Variants in TMEM150C observed in about 807,000 individuals in gnomAD.
The protein encoded by TMEM150C is tentonin 3.
A neutral mutation model predicts 29.9 loss-of-function variants in TMEM150C; 10 were observed. The ratio of observed to expected loss-of-function variants is 0.33; its 90% CI spans 0.21 to 0.57. The LOEUF (loss-of-function observed/expected upper bound fraction) is 0.57. Among genes scored for constraint, TMEM150C ranks in the 20% least tolerant of loss-of-function variants. The pLI is 0.88. For synonymous variants in TMEM150C, 101 were observed against 112.5 expected (o/e 0.90, Z 0.64); for missense variants, 251 against 303.6 (o/e 0.83, Z 1.29).
intron 3 of TMEM150C, 42 bp from the exon 4 acceptor site, chr4:82,502,969 C>T (rs1452880129): frequency 1.3e-6 from 2 of 1,592,676 alleles, no homozygotes; most frequent in Non-Finnish European, 1.7e-6. Flanking sequence ...CAGGTTAAAG[C>T]ACTGTCATTT....
chr4:82,502,771 G>A lies in TMEM150C; in HGVS notation c.191C>T (p.Ala64Val), dbSNP rs369970649. 3 of 1,608,454 alleles carry A rather than the reference G, an allele frequency of 1.9e-6. No individual in the cohort carries two copies. In the African/African-American group the frequency reaches 4.0e-5, roughly 21 times the overall value. Residue 64 changes from alanine to valine, a missense_variant, in exon 5 of 8, where the codon GCA (alanine) becomes GTA (valine). Ala to Val is a moderately conservative substitution (Grantham distance 64). Coordinates refer to ENST00000449862, the MANE Select transcript of TMEM150C (RefSeq NM_001080506.3). ...YISIAGDDPP[A>V]SCVFSQVMNM... ...CATAACTTGACTAAACACACAGCTT[G>A]CAGGAGGATCATCACCTGCAATGCT...
At chr4:82,530,286 G>A (rs1282902412) in intron 1 of TMEM150C, among the ~76,000 whole-genome samples, 13 of 152,010 alleles carry the variant, frequency 8.6e-5, no homozygotes, top group African/African-American at 2.7e-4. Flanking sequence ...GGCCAGGCAC[G>A]GTGGCTCAAG....
In TMEM150C at chr4:82,507,474, TG is replaced by T. The variant is rs535234083; in HGVS notation, c.-10-2808del. On this transcript the variant is annotated intron_variant, in intron 1 of 7. Coordinates refer to ENST00000449862, the MANE Select transcript of TMEM150C (RefSeq NM_001080506.3). ...GTACTGGGATGTCCCATTTAGCCAC[TG>T]ATTCTCATTTACCTGCGCTTGTCAG... Among the ~76,000 whole-genome samples, 69 of 152,314 alleles carry T rather than the reference TG, an allele frequency of 4.5e-4. 1 individual carries two copies. In the South Asian group the frequency reaches 6.4e-3, roughly 14 times the overall value.
rs764737816 is a variant in TMEM150C at position 82,490,148 on chromosome 4, G to A, written c.454C>T (p.Leu152Phe). Reference protein sequence around the residue: ...LTCWIQAALTLKVNIKNEGRR... With the variant: ...LTCWIQAALTFKVNIKNEGRR... Reference sequence around the variant, plus strand: ...CCTTCATTCTTGATGTTGACCTTGAGTGTCAGCGCAGCCTGGATCCAGCAG... The same window carrying A: ...CCTTCATTCTTGATGTTGACCTTGAATGTCAGCGCAGCCTGGATCCAGCAG... Residue 152 changes from leucine to phenylalanine, a missense_variant, in exon 7 of 8, where the codon CTC (leucine) becomes TTC (phenylalanine). Transcript: ENST00000449862. 7.4e-6 allele frequency: 12 copies of A among 1,614,016 alleles called. No individual in the cohort carries two copies. The highest frequency in any genetic ancestry group is 1.0e-5 in the Non-Finnish European group (12 of 1,179,876).
chr4:82,511,176 A>T (rs1262335531), intron 1 of TMEM150C, among the ~76,000 whole-genome samples: 4 of 152,214 alleles, frequency 2.6e-5, no homozygotes, highest in Non-Finnish European at 1.5e-5. Context: ...CCGCAGATAT[A>T]AACAATATTA....
At chr4:82,491,221 C>T in intron 6 of TMEM150C, 1 of 686,796 alleles carries the variant, frequency 1.5e-6, no homozygotes. Context: ...ACTCGAAGGG[C>T]AGGTGGTCTC....
intron 1 of TMEM150C, among the ~76,000 whole-genome samples, chr4:82,506,420 T>C (rs1723922697): frequency 6.6e-6 from 1 of 152,308 alleles, no homozygotes. Context: ...GTTAAATAAA[T>C]TACAGAATCT....
chr4:82,488,546 T>C (rs1467555081), intron 7 of TMEM150C, among the ~76,000 whole-genome samples: 1 of 152,232 alleles, frequency 6.6e-6, no homozygotes, highest in African/African-American at 2.4e-5. Flanking sequence ...TTTAGGAACC[T>C]TGATTCCTTT....
chr4:82,540,114 C>CTTTTTTTTTTTTTTTTTTTTTTTTTT lies in TMEM150C; in HGVS notation c.-11+21766_-11+21791dup, dbSNP rs577728662. Among the ~76,000 whole-genome samples the CTTTTTTTTTTTTTTTTTTTTTTTTTT allele has an allele frequency of 4.2e-5, 2 of 47,254 alleles. 1 individual carries two copies. The highest frequency in any genetic ancestry group is 1.0e-4 in the Non-Finnish European group (2 of 19,294). 31.0% of individuals were successfully genotyped at this position (47,254 alleles called of 152,430 possible). A position where few individuals can be genotyped will look rare whatever the true frequency, so the allele number is the denominator to read the frequency against. On this transcript the variant is annotated intron_variant, in intron 1 of 7. Transcript: ENST00000449862. ...TAGTCATTCAATGTTTCTACCTATT[C>CTTTTTTTTTTTTTTTTTTTTTTTTTT]TTTTTTTTTTTTTTTTTTTTTTTTT...
At chr4:82,494,802 TTGTGAGTCTGATCTTA>T in intron 6 of TMEM150C, 1 of 304,752 alleles carries the variant, frequency 3.3e-6, no homozygotes, top group Non-Finnish European at 6.4e-6. Context: ...TTTTTTTTTT[TTGTGAGTCTGATCTTA>T]TTTGTTACTC....
intron 1 of TMEM150C, among the ~76,000 whole-genome samples, chr4:82,518,463 A>G (rs138997601): frequency 9.6e-4 from 146 of 152,282 alleles, no homozygotes; most frequent in African/African-American, 3.4e-3. Flanking sequence ...GGCTACCTCT[A>G]TAGGACAGTC....
intron 1 of TMEM150C, among the ~76,000 whole-genome samples, chr4:82,529,188 G>A (rs940701023): frequency 2.0e-5 from 3 of 152,086 alleles, no homozygotes; most frequent in Admixed American, 6.5e-5. Context: ...GAAGGGGAAT[G>A]GGAACGATCA....
At position 82,483,269 on chromosome 4, in the gene TMEM150C, T is replaced by G. The variant is rs1723052441; in HGVS notation, c.*2242A>C. Reference sequence around the variant, plus strand: ...CTAAAATGTGGTATTAGATATATTCTTAAGAAAGTGTACAATTGCATCACC... The same window carrying G: ...CTAAAATGTGGTATTAGATATATTCGTAAGAAAGTGTACAATTGCATCACC... On this transcript the variant is annotated 3_prime_UTR_variant, in exon 8 of 8. Coordinates refer to ENST00000449862, the MANE Select transcript of TMEM150C (RefSeq NM_001080506.3). 1 of 152,222 alleles carries G rather than the reference T, an allele frequency of 6.6e-6. No individual in the cohort carries two copies. The highest frequency in any genetic ancestry group is 1.5e-5 in the Non-Finnish European group (1 of 68,042). The allele number at this position is 152,222 out of a possible 1,614,324, so 9.4% of individuals were successfully genotyped here.
chr4:82,494,875 G>A (rs1723488232), intron 6 of TMEM150C: 7 of 501,768 alleles, frequency 1.4e-5, no homozygotes, highest in Non-Finnish European at 1.2e-5. Flanking sequence ...GCAGAAGCTC[G>A]CAGAGAGGAA....
At chr4:82,559,373 C>T (rs867838740) in intron 1 of TMEM150C, among the ~76,000 whole-genome samples, 3 of 149,864 alleles carry the variant, frequency 2.0e-5, no homozygotes, top group Middle Eastern at 3.4e-3. Context: ...GGTAAAACCC[C>T]GTCTCTACTA....
rs75132523 is a variant in TMEM150C, at chr4:82,523,449, G to A, written c.-10-18782C>T. The stretch of plus-strand genomic sequence containing the variant: ...TGCATTGCCATGATGTTCTACACAC[G>A]TGGGGATATGTGGGGGTGGCCATGT... On this transcript the variant is annotated intron_variant, in intron 1 of 7. Coordinates refer to ENST00000449862, the MANE Select transcript of TMEM150C (RefSeq NM_001080506.3). Among the ~76,000 whole-genome samples, 63 of 152,250 alleles carry A rather than the reference G, an allele frequency of 4.1e-4. No homozygotes were observed. The East Asian group carries it at 0.011, about 26-fold the overall frequency.
chr4:82,529,165 G>T (rs993476102), intron 1 of TMEM150C, among the ~76,000 whole-genome samples: 14 of 152,104 alleles, frequency 9.2e-5, no homozygotes, highest in Non-Finnish European at 1.9e-4. Context: ...AGGACAAAGG[G>T]GATGCTGCCA....
At chr4:82,527,384 TC>T (rs1724690193) in intron 1 of TMEM150C, among the ~76,000 whole-genome samples, 2 of 152,262 alleles carry the variant, frequency 1.3e-5, no homozygotes, top group East Asian at 3.9e-4. Context: ...TTTCTGTGGC[TC>T]CCCTACTTGG....
intron 6 of TMEM150C, chr4:82,490,894 G>C: frequency 1.4e-6 from 1 of 710,122 alleles, no homozygotes; most frequent in Non-Finnish European, 2.6e-6. Context: ...ACAGACTTGG[G>C]ACCCAGGACA....
Sources: allele counts gnomAD v4.1 joint callset (sites outside exome capture counted in the v4.1 genomes callset), GRCh38; gene constraint gnomAD v4.1.1; transcripts MANE v1.5; gene names NCBI Gene and HGNC (gene_info 2026-07-23, HGNC 2026-07-21).